The following PLD5 variants were observed in gnomAD, a reference collection of about 807,000 sequenced individuals.
PLD5 encodes the protein inactive phospholipase D5.
Under a neutral mutation model 61.1 loss-of-function variants are expected in PLD5, and 36 were observed. The observed-to-expected ratio is 0.59, with a 90% confidence interval of 0.45 to 0.78. The LOEUF (loss-of-function observed/expected upper bound fraction) is 0.78, where lower values mean the gene tolerates loss of function less well. PLD5 is among the 30% of genes least tolerant of loss of function. The pLI, the probability that PLD5 is intolerant of heterozygous loss-of-function variation, is 0.00. For synonymous variants in PLD5, 243 were observed against 242.8 expected, an observed-to-expected ratio of 1.00 and a Z score of -0.01; for missense variants, 515 against 644.4, an observed-to-expected ratio of 0.80 and a Z score of 2.17.
intron 1 of PLD5, among the ~76,000 whole-genome samples, chr1:242,403,195 G>A (rs558238825): frequency 6.6e-6 from 1 of 152,306 alleles, no homozygotes; most frequent in East Asian, 1.9e-4. Flanking sequence ...GGGTGCAGAA[G>A]GTCCTCTGCA....
At chr1:242,279,540 A>ATT (rs78771148) in intron 3 of PLD5, among the ~76,000 whole-genome samples, 2 of 146,206 alleles carry the variant, frequency 1.4e-5, no homozygotes, top group Non-Finnish European at 3.0e-5. Context: ...TCTGTCTCTC[A>ATT]TTTTTTTTTT....
At chr1:242,245,750 T>C in intron 4 of PLD5, among the ~76,000 whole-genome samples, 1 of 152,182 alleles carries the variant, frequency 6.6e-6, no homozygotes, top group East Asian at 1.9e-4. Flanking sequence ...ATTTGTTCTT[T>C]AGGCTGCATA....
At chr1:242,407,206 G>A (rs1252159284) in intron 1 of PLD5, among the ~76,000 whole-genome samples, 1 of 152,080 alleles carries the variant, frequency 6.6e-6, no homozygotes, top group Non-Finnish European at 1.5e-5. Context: ...CTGCCACCAT[G>A]TAAGACGTGA....
intron 8 of PLD5, among the ~76,000 whole-genome samples, chr1:242,102,958 T>C (rs1302944235): frequency 6.6e-6 from 1 of 152,170 alleles, no homozygotes; most frequent in East Asian, 1.9e-4. Context: ...TTTTTGTAAT[T>C]CTTAAATGAG....
At chr1:242,493,555 G>A (rs948342652) in intron 1 of PLD5, among the ~76,000 whole-genome samples, 1 of 152,160 alleles carries the variant, frequency 6.6e-6, no homozygotes, top group African/African-American at 2.4e-5. Flanking sequence ...AGTTTCGCCA[G>A]CCCCCTGCCC....
intron 1 of PLD5, among the ~76,000 whole-genome samples, chr1:242,378,307 C>T (rs1239358533): frequency 2.6e-5 from 4 of 151,992 alleles, no homozygotes; most frequent in Non-Finnish European, 5.9e-5. Flanking sequence ...TTAGTGTAGC[C>T]AAATTCAAAG....
chr1:242,331,048 G>T (rs140831371), intron 2 of PLD5, among the ~76,000 whole-genome samples: 1 of 152,070 alleles, frequency 6.6e-6, no homozygotes, highest in Non-Finnish European at 1.5e-5. Flanking sequence ...ACACTCACTC[G>T]GTGTGGGGTA....
At chr1:242,341,940 T>G (rs1659857448) in intron 2 of PLD5, among the ~76,000 whole-genome samples, 2 of 150,940 alleles carry the variant, frequency 1.3e-5, no homozygotes, top group African/African-American at 4.9e-5. Context: ...GCACGGGGGC[T>G]GATTCAGGAA....
At chr1:242,512,415 CAAA>C (rs33990244) in intron 1 of PLD5, among the ~76,000 whole-genome samples, 19,025 of 120,216 alleles carry the variant, frequency 0.16, 1,374 homozygotes, top group Admixed American at 0.25. Context: ...GACTCCATCT[CAAA>C]AAAAAAAAAA....
At chr1:242,206,583 T>G (rs1249136585) in intron 5 of PLD5, among the ~76,000 whole-genome samples, 1 of 152,210 alleles carries the variant, frequency 6.6e-6, no homozygotes, top group South Asian at 2.1e-4. Flanking sequence ...ATATTTTGCA[T>G]GTACTGTGTA....
intron 8 of PLD5, among the ~76,000 whole-genome samples, chr1:242,102,486 A>G (rs1660761987): frequency 6.6e-6 from 1 of 152,214 alleles, no homozygotes; most frequent in Non-Finnish European, 1.5e-5. Context: ...AAAAAAAACT[A>G]AAAAATCAGC....
At chr1:242,219,474 C>T (rs577409893) in intron 5 of PLD5, among the ~76,000 whole-genome samples, 13 of 152,268 alleles carry the variant, frequency 8.5e-5, no homozygotes, top group Admixed American at 2.0e-4. Context: ...TTTTGTAATC[C>T]TCTGTGGATT....
At chr1:242,222,979 C>A (rs560901595) in intron 4 of PLD5, among the ~76,000 whole-genome samples, 38 of 152,160 alleles carry the variant, frequency 2.5e-4, no homozygotes, top group Non-Finnish European at 4.4e-4. Flanking sequence ...TTCAGGCATA[C>A]TAAAATACTG....
At chr1:242,231,424 TC>T (rs1485970486) in intron 4 of PLD5, among the ~76,000 whole-genome samples, 4 of 152,206 alleles carry the variant, frequency 2.6e-5, no homozygotes, top group Non-Finnish European at 1.5e-5. Flanking sequence ...AGCTTTGCTT[TC>T]TTGGAAAAGC....
At chr1:242,275,322 T>A (rs1173332185) in intron 3 of PLD5, among the ~76,000 whole-genome samples, 1 of 152,078 alleles carries the variant, frequency 6.6e-6, no homozygotes, top group South Asian at 2.1e-4. Context: ...ATTAGTTTAA[T>A]CAATTAGTTA....
At chr1:242,240,510 T>C (rs1020080397) in intron 4 of PLD5, among the ~76,000 whole-genome samples, 13 of 152,226 alleles carry the variant, frequency 8.5e-5, no homozygotes, top group Non-Finnish European at 1.3e-4. Context: ...GTAATTTTGA[T>C]GGTCTTCTTT....
chr1:242,308,910 C>T (rs1222498478), intron 2 of PLD5, among the ~76,000 whole-genome samples: 1 of 151,886 alleles, frequency 6.6e-6, no homozygotes, highest in Non-Finnish European at 1.5e-5. Flanking sequence ...CTTCTGCACT[C>T]GTTATTTTGG....
chr1:242,100,541 T>G, intron 9 of PLD5, 127 bp downstream of exon 9: 1 of 670,402 alleles, frequency 1.5e-6, no homozygotes, highest in Middle Eastern at 3.0e-4. Context: ...TCATCTCCAT[T>G]TCCCCTCATT....
intron 2 of PLD5, among the ~76,000 whole-genome samples, chr1:242,323,823 T>C (rs1574733001): frequency 2.0e-5 from 3 of 152,272 alleles, no homozygotes; most frequent in South Asian, 2.1e-4. Flanking sequence ...GGACTCTGCA[T>C]AGAGGATCAG....
Sources: gnomAD v4.1 joint callset for allele counts (sites outside exome capture counted in the v4.1 genomes callset) on GRCh38, gnomAD v4.1.1 for gene constraint, MANE v1.5 for transcripts, NCBI Gene and HGNC (gene_info 2026-07-23, HGNC 2026-07-21) for gene names.